CSMD3: variants seen among roughly 807,000 people sequenced by gnomAD.
The protein encoded by CSMD3 is CUB and sushi domain-containing protein 3.
In CSMD3, 177 loss-of-function variants were observed where a neutral mutation model predicts 435.2. The observed-to-expected ratio is 0.41, with a 90% CI of 0.36 to 0.46. The LOEUF (loss-of-function observed/expected upper bound fraction) is 0.46, where lower values mean the gene tolerates loss of function less well. CSMD3 is among the 20% of genes least tolerant of loss of function. CSMD3 has a pLI of 0.34. For synonymous variants in CSMD3, 1,656 were observed against 1,520.5 expected (o/e 1.09, Z -2.07); for missense variants, 4,265 against 4,504.6 (o/e 0.95, Z 1.52).
intron 30 of CSMD3, among the ~76,000 whole-genome samples, chr8:112,497,480 A>T (rs1033608353): frequency 2.1e-5 from 3 of 144,678 alleles, no homozygotes; most frequent in African/African-American, 5.1e-5. Context: ...GTACTCCATA[A>T]ATATATATAT....
chr8:113,257,166 T>C (rs1033633472), intron 3 of CSMD3, among the ~76,000 whole-genome samples: 3 of 152,150 alleles, frequency 2.0e-5, no homozygotes, highest in African/African-American at 7.2e-5. Context: ...CCCAGCACTT[T>C]GGGAGGCCGA....
At chr8:113,320,720 T>C (rs1273993333) in intron 1 of CSMD3, among the ~76,000 whole-genome samples, 1 of 152,142 alleles carries the variant, frequency 6.6e-6, no homozygotes, top group East Asian at 1.9e-4. Context: ...TCCATGATGA[T>C]GCCCTGCTTT....
chr8:112,821,551 A>G lies in CSMD3; in HGVS notation c.1859+8135T>C, dbSNP rs116172808. Among the ~76,000 whole-genome samples, 783 of 151,990 alleles carry G rather than the reference A, an allele frequency of 5.2e-3. 8 individuals carry two copies. Among genetic ancestry groups the G allele is most frequent in the African/African-American group, 0.017 (701 of 41,454 alleles). ...GTTCCTTGTAGATTCTGAATATTAG[A>G]TCTTTGTCGGATTGAAAGATTGTAA... On this transcript the variant is annotated intron_variant, in intron 12 of 70. Transcript: ENST00000297405.
intron 1 of CSMD3, among the ~76,000 whole-genome samples, chr8:113,331,363 A>G (rs1563709806): frequency 1.3e-5 from 2 of 151,720 alleles, no homozygotes; most frequent in African/African-American, 4.8e-5. Flanking sequence ...CTAAACACAT[A>G]AAAAATTAAT....
chr8:113,195,845 A>C (rs925016920), intron 3 of CSMD3, among the ~76,000 whole-genome samples: 3 of 146,554 alleles, frequency 2.0e-5, no homozygotes, highest in Admixed American at 6.9e-5. Flanking sequence ...ACACACCCCC[A>C]CACACACATG....
rs1563737858 is a variant in CSMD3, at chr8:113,355,735, TATATATATATATATAC to T, written c.179-40958_179-40943del. Among the ~76,000 whole-genome samples, 491 of 108,636 alleles carry T rather than the reference TATATATATATATATAC, an allele frequency of 4.5e-3. 15 individuals carry two copies. Among genetic ancestry groups the T allele is most frequent in the African/African-American group, 0.02 (470 of 23,382 alleles). 71.3% of individuals were successfully genotyped at this position (108,636 alleles called of 152,430 possible). A position where few individuals can be genotyped will look rare whatever the true frequency, so the allele number is the denominator to read the frequency against. On this transcript the variant is annotated intron_variant, in intron 1 of 70. Coordinates refer to ENST00000297405, the MANE Select transcript of CSMD3 (RefSeq NM_198123.2). ...AAAGTTTTATTTTTATATATATATA[TATATATATATATATAC>T]ACACACACACACACACGGGGTGTGT...
chr8:112,370,082 A>AAGAAGAAGTAGT (rs1285510394), intron 38 of CSMD3, among the ~76,000 whole-genome samples: 39 of 103,532 alleles, frequency 3.8e-4, no homozygotes, highest in Middle Eastern at 6.0e-3. Flanking sequence ...GAAGAAGAAG[A>AAGAAGAAGTAGT]AGTAGTAGTA....
chr8:112,957,603 G>C (rs1242793052), intron 7 of CSMD3, among the ~76,000 whole-genome samples: 1 of 151,020 alleles, frequency 6.6e-6, no homozygotes, highest in Non-Finnish European at 1.5e-5. Context: ...ACAGGCGTGT[G>C]ACACACGCGG....
intron 10 of CSMD3, among the ~76,000 whole-genome samples, chr8:112,916,648 T>C (rs1320755417): frequency 6.6e-6 from 1 of 151,968 alleles, no homozygotes; most frequent in Non-Finnish European, 1.5e-5. Context: ...ACCTGCTATA[T>C]GCATTTCTGG....
chr8:112,500,686 T>C (rs1035756907), intron 30 of CSMD3, among the ~76,000 whole-genome samples: 1 of 152,152 alleles, frequency 6.6e-6, no homozygotes, highest in Non-Finnish European at 1.5e-5. Flanking sequence ...ATCACTTTCT[T>C]TTCTAACAAA....
chr8:112,677,158 G>A (rs907349075), intron 16 of CSMD3, among the ~76,000 whole-genome samples: 1 of 152,008 alleles, frequency 6.6e-6, no homozygotes, highest in Non-Finnish European at 1.5e-5. Context: ...TTATGTGTGT[G>A]ACAGAGGGAC....
At chr8:112,477,642 A>G (rs1819192260) in intron 31 of CSMD3, among the ~76,000 whole-genome samples, 1 of 152,088 alleles carries the variant, frequency 6.6e-6, no homozygotes, top group Non-Finnish European at 1.5e-5. Flanking sequence ...CTTGCCATGT[A>G]ACATACCTGC....
intron 10 of CSMD3, among the ~76,000 whole-genome samples, chr8:112,868,159 G>A (rs2081036909): frequency 6.6e-6 from 1 of 152,044 alleles, no homozygotes; most frequent in South Asian, 2.1e-4. Context: ...CAGTAGCACT[G>A]TCTTTTTTCT....
intron 65 of CSMD3, among the ~76,000 whole-genome samples, chr8:112,243,525 TTAA>T (rs1477885882): frequency 1.3e-5 from 2 of 152,184 alleles, no homozygotes; most frequent in East Asian, 3.9e-4. Context: ...GGTCCAAATA[TTAA>T]TACCATATCA....
chr8:112,286,842 A>G (rs1356836379), intron 58 of CSMD3, among the ~76,000 whole-genome samples: 1 of 152,132 alleles, frequency 6.6e-6, no homozygotes, highest in African/African-American at 2.4e-5. Flanking sequence ...TATGTTGTGA[A>G]CAATGTTTGC....
chr8:112,227,967 G>A (rs1812730825), intron 70 of CSMD3, among the ~76,000 whole-genome samples: 1 of 152,032 alleles, frequency 6.6e-6, no homozygotes, highest in Non-Finnish European at 1.5e-5. Flanking sequence ...GCGTGAACCT[G>A]GGAGGCAGAT....
At chr8:112,679,398 G>A (rs1471171171) in intron 16 of CSMD3, among the ~76,000 whole-genome samples, 1 of 152,058 alleles carries the variant, frequency 6.6e-6, no homozygotes, top group African/African-American at 2.4e-5. Context: ...CCTTAGTGAT[G>A]TTTCCACCTT....
At chr8:113,035,746 A>G (rs1384072754) in intron 5 of CSMD3, among the ~76,000 whole-genome samples, 1 of 151,986 alleles carries the variant, frequency 6.6e-6, no homozygotes, top group Non-Finnish European at 1.5e-5. Flanking sequence ...AAATTGGAGA[A>G]AAAGAAATTT....
At chr8:113,354,508 TGA>T (rs892857902) in intron 1 of CSMD3, among the ~76,000 whole-genome samples, 47 of 152,318 alleles carry the variant, frequency 3.1e-4, no homozygotes, top group African/African-American at 1.0e-3. Flanking sequence ...TATAAATTAA[TGA>T]GTGATATAAA....
Sources: gnomAD v4.1 joint callset for allele counts (sites outside exome capture counted in the v4.1 genomes callset) on GRCh38, gnomAD v4.1.1 for gene constraint, MANE v1.5 for transcripts, NCBI Gene and HGNC (gene_info 2026-07-23, HGNC 2026-07-21) for gene names.